The following FTO variants were observed in gnomAD, a reference collection of about 807,000 sequenced individuals.
FTO encodes the protein alpha-ketoglutarate-dependent dioxygenase FTO.
A neutral mutation model predicts 63.9 loss-of-function variants in FTO; 47 were observed. The observed-to-expected ratio is 0.74, with a 90% CI of 0.58 to 0.94. FTO has a LOEUF of 0.94. FTO is among the 40% of genes least tolerant of loss of function. The pLI is 0.00. For missense variants in FTO, 562 were observed against 618.1 expected, an observed-to-expected ratio of 0.91 and a Z score of 0.96; for synonymous variants, 207 against 224.4, an observed-to-expected ratio of 0.92 and a Z score of 0.69.
At chr16:54,013,078 T>C (rs2084364856) in intron 8 of FTO, among the ~76,000 whole-genome samples, 1 of 152,204 alleles carries the variant, frequency 6.6e-6, no homozygotes, top group South Asian at 2.1e-4. Flanking sequence ...GAAAACCTTC[T>C]GGGAAGGATT....
intron 8 of FTO, chr16:54,069,943 CTA>C (rs1448602619): frequency 6.6e-6 from 1 of 152,156 alleles, no homozygotes; most frequent in Non-Finnish European, 1.5e-5. Context: ...CTCTTGCCAG[CTA>C]TGACTTTGAG....
intron 8 of FTO, among the ~76,000 whole-genome samples, chr16:54,102,997 A>G (rs2086671025): frequency 1.3e-5 from 2 of 152,064 alleles, no homozygotes; most frequent in Admixed American, 6.6e-5. Context: ...TACAAAAAAC[A>G]AAAACAAAAA....
At chr16:53,815,261 A>G (rs2078642839) in intron 2 of FTO, among the ~76,000 whole-genome samples, 1 of 152,190 alleles carries the variant, frequency 6.6e-6, no homozygotes, top group African/African-American at 2.4e-5. Flanking sequence ...GGCTCTTCCC[A>G]TTCAGCCTCT....
intron 1 of FTO, among the ~76,000 whole-genome samples, chr16:53,756,004 T>C (rs2076915487): frequency 6.6e-6 from 1 of 152,202 alleles, no homozygotes; most frequent in South Asian, 2.1e-4. Flanking sequence ...GTTTCTACAC[T>C]TGCAGAAGAT....
chr16:53,805,013 G>T (rs925878289), intron 1 of FTO, among the ~76,000 whole-genome samples: 1 of 152,086 alleles, frequency 6.6e-6, no homozygotes, highest in African/African-American at 2.4e-5. Flanking sequence ...ACCCTCATAA[G>T]ATCATGCAGT....
intron 7 of FTO, among the ~76,000 whole-genome samples, chr16:53,897,434 A>G (rs190344147): frequency 2.0e-5 from 3 of 152,326 alleles, no homozygotes; most frequent in Admixed American, 6.5e-5. Flanking sequence ...ACATATCTGC[A>G]TAGCCATATC....
chr16:53,792,425 C>A (rs2077949072), intron 1 of FTO, among the ~76,000 whole-genome samples: 1 of 152,140 alleles, frequency 6.6e-6, no homozygotes, highest in Non-Finnish European at 1.5e-5. Flanking sequence ...AGCCAGACAG[C>A]GACAGTAGAG....
chr16:53,993,910 C>T (rs558497644), intron 8 of FTO: 9 of 152,282 alleles, frequency 5.9e-5, no homozygotes, highest in East Asian at 3.9e-4. Flanking sequence ...GGACAAAATA[C>T]AGGGATTCAT....
intron 3 of FTO, among the ~76,000 whole-genome samples, chr16:53,836,668 G>A (rs1330263828): frequency 2.0e-5 from 3 of 152,168 alleles, no homozygotes; most frequent in Non-Finnish European, 4.4e-5. Context: ...AAAAAGGTAA[G>A]GAATTCTCTC....
chr16:53,924,886 C>T (rs1473263432), intron 7 of FTO, among the ~76,000 whole-genome samples: 3 of 151,990 alleles, frequency 2.0e-5, no homozygotes, highest in Admixed American at 2.0e-4. Context: ...GGTGCCCAGT[C>T]CAGTTTAGAA....
At chr16:54,030,558 AT>A (rs200766122) in intron 8 of FTO, among the ~76,000 whole-genome samples, 2 of 151,114 alleles carry the variant, frequency 1.3e-5, no homozygotes, top group Non-Finnish European at 3.0e-5. Context: ...CTTAGTCCTC[AT>A]TTTTTTTTGT....
In FTO at chr16:53,871,530, C is replaced by T. The variant is rs148595716; in HGVS notation, c.896-2256C>T. On this transcript the variant is annotated intron_variant, in intron 4 of 8. Coordinates refer to ENST00000471389, the MANE Select transcript of FTO (RefSeq NM_001080432.3). ...ATATATATGAAAGGGCAGATATGTA[C>T]ATTTAGAAGAAAAGAGAGATGTGAC... 1.5e-3 allele frequency among the ~76,000 whole-genome samples: 223 copies of T among 152,102 alleles called. 1 individual carries two copies. Among genetic ancestry groups the T allele is most frequent in the African/African-American group, 5.1e-3 (212 of 41,506 alleles).
Position 54,065,384 on chromosome 16 carries a change from G to A in FTO, c.1365-46378G>A, listed in dbSNP as rs115316362. ...TTACTGTGTTGCCCAGGCTGGTCTC[G>A]AACTCCTGGACTCAAGCGTTCCACT... On this transcript the variant is annotated intron_variant, in intron 8 of 8. Transcript: ENST00000471389. Among the ~76,000 whole-genome samples, 1,023 of 151,866 alleles carry A rather than the reference G, an allele frequency of 6.7e-3. 14 individuals are homozygous for A. The highest frequency in any genetic ancestry group is 0.024 in the African/African-American group (991 of 41,402).
intron 8 of FTO, among the ~76,000 whole-genome samples, chr16:53,983,352 G>A (rs2143831920): frequency 6.6e-6 from 1 of 152,092 alleles, no homozygotes; most frequent in South Asian, 2.1e-4. Flanking sequence ...CTAGGGTATT[G>A]GATAATTTTT....
At chr16:53,911,543 A>G (rs1567428358) in intron 7 of FTO, 1 of 700,170 alleles carries the variant, frequency 1.4e-6, no homozygotes, top group East Asian at 2.7e-5. Context: ...CATTTGTGTC[A>G]TCTGATCTGA....
intron 7 of FTO, among the ~76,000 whole-genome samples, chr16:53,922,597 A>G (rs2082033211): frequency 6.6e-6 from 1 of 152,186 alleles, no homozygotes; most frequent in Admixed American, 6.5e-5. Context: ...CATCTGAAAA[A>G]TCCTTGAAAG....
chr16:53,856,092 A>AC (rs2079982748), intron 4 of FTO, among the ~76,000 whole-genome samples: 1 of 151,126 alleles, frequency 6.6e-6, no homozygotes, highest in South Asian at 2.1e-4. Context: ...GAGCTATAGA[A>AC]AATTTTTTTT....
At chr16:53,718,144 A>T (rs991313521) in intron 1 of FTO, among the ~76,000 whole-genome samples, 7 of 152,102 alleles carry the variant, frequency 4.6e-5, no homozygotes, top group African/African-American at 1.4e-4. Flanking sequence ...CATTTTTCTC[A>T]TTCAATAATT....
chr16:53,836,733 G>T, intron 3 of FTO, among the ~76,000 whole-genome samples: 1 of 152,202 alleles, frequency 6.6e-6, no homozygotes, highest in Non-Finnish European at 1.5e-5. Flanking sequence ...TGTTCCAACA[G>T]TAATGATGTG....
Sources: allele counts gnomAD v4.1 joint callset (sites outside exome capture counted in the v4.1 genomes callset), GRCh38; gene constraint gnomAD v4.1.1; transcripts MANE v1.5; gene names NCBI Gene and HGNC (gene_info 2026-07-23, HGNC 2026-07-21).